Variants in MYO16 observed in about 807,000 individuals in gnomAD.
MYO16 encodes myosin XVI.
MYO16 carries 94 observed loss-of-function variants against 205.3 expected under a neutral mutation model. The ratio of observed to expected loss-of-function variants is 0.46; its 90% CI spans 0.39 to 0.54. MYO16 has a LOEUF of 0.54. MYO16 is among the 20% of genes least tolerant of loss of function. The pLI, the probability that MYO16 is intolerant of heterozygous loss-of-function variation, is 0.00. For missense variants in MYO16, 2,315 were observed against 2,387.5 expected (o/e 0.97, Z 0.63); for synonymous variants, 988 against 954.0 (o/e 1.04, Z -0.66).
chr13:109,160,015 G>A (rs73619962), intron 32 of MYO16, among the ~76,000 whole-genome samples: 8,388 of 152,318 alleles, frequency 0.055, 246 homozygotes, highest in Middle Eastern at 0.13. Context: ...CTCGGCCTCA[G>A]TACAATGGAC....
chr13:108,822,288 G>T (rs1311649053), intron 8 of MYO16, among the ~76,000 whole-genome samples: 2 of 152,102 alleles, frequency 1.3e-5, no homozygotes, highest in African/African-American at 4.8e-5. Flanking sequence ...TTTAATCTGA[G>T]GCAAATAATG....
chr13:109,174,115 G>A (rs609726), intron 33 of MYO16, among the ~76,000 whole-genome samples: 152,096 of 152,110 alleles, frequency 1, 76,041 homozygotes, highest in Middle Eastern at 1. Context: ...CTGTATTGGT[G>A]TAGGAGTCAA....
intron 14 of MYO16, among the ~76,000 whole-genome samples, chr13:108,889,452 G>A (rs542726090): frequency 7.9e-5 from 12 of 152,306 alleles, no homozygotes; most frequent in Non-Finnish European, 1.6e-4. Context: ...TTTATACATA[G>A]TTCTAGCAAG....
chr13:108,835,948 A>G (rs1876892662), intron 9 of MYO16, among the ~76,000 whole-genome samples: 2 of 152,182 alleles, frequency 1.3e-5, no homozygotes, highest in South Asian at 4.1e-4. Flanking sequence ...TTTCTTGGGG[A>G]AAAATTCAAG....
intron 2 of MYO16, among the ~76,000 whole-genome samples, chr13:108,666,526 T>C (rs1007569852): frequency 6.6e-6 from 1 of 152,166 alleles, no homozygotes; most frequent in African/African-American, 2.4e-5. Context: ...TCCCACTATG[T>C]TGACCAGGCT....
chr13:108,592,868 A>T (rs993003578), upstream of MYO16, among the ~76,000 whole-genome samples: 4 of 151,990 alleles, frequency 2.6e-5, no homozygotes, highest in Non-Finnish European at 5.9e-5. Context: ...AAAACATTGT[A>T]TGCAACTCCT....
chr13:108,663,319 T>C (rs1347132427), intron 1 of MYO16, among the ~76,000 whole-genome samples: 2 of 151,948 alleles, frequency 1.3e-5, no homozygotes, highest in Admixed American at 1.3e-4. Context: ...CTTTATTTTT[T>C]TTTTGAGATC....
intron 1 of MYO16, among the ~76,000 whole-genome samples, chr13:108,637,920 A>C (rs1213130525): frequency 2.6e-5 from 4 of 152,142 alleles, no homozygotes; most frequent in Admixed American, 2.0e-4. Context: ...ACGAACAAGC[A>C]AGCTAACATT....
At chr13:108,641,353 G>A (rs920653440) in intron 1 of MYO16, among the ~76,000 whole-genome samples, 7 of 152,140 alleles carry the variant, frequency 4.6e-5, no homozygotes, top group Admixed American at 2.0e-4. Context: ...AGAGACTTGA[G>A]TTATTGATTA....
intron 4 of MYO16, among the ~76,000 whole-genome samples, chr13:108,763,742 C>G (rs1482615877): frequency 6.6e-6 from 1 of 150,578 alleles, no homozygotes; most frequent in Non-Finnish European, 1.5e-5. Context: ...TTTGAGAAGT[C>G]TAAGAGACAG....
At chr13:108,764,161 C>T (rs1349052316) in intron 4 of MYO16, among the ~76,000 whole-genome samples, 1 of 152,100 alleles carries the variant, frequency 6.6e-6, no homozygotes, top group Non-Finnish European at 1.5e-5. Context: ...ACAGATTCAA[C>T]TTTGTGAGCT....
At chr13:108,916,621 A>AT (rs1409280778) in intron 16 of MYO16, among the ~76,000 whole-genome samples, 4 of 152,226 alleles carry the variant, frequency 2.6e-5, no homozygotes, top group Non-Finnish European at 4.4e-5. Flanking sequence ...GATCATAAAA[A>AT]TTTTAGAACT....
At chr13:109,198,803 T>C (rs1594180206) in intron 34 of MYO16, among the ~76,000 whole-genome samples, 1 of 152,088 alleles carries the variant, frequency 6.6e-6, no homozygotes, top group Non-Finnish European at 1.5e-5. Flanking sequence ...GGTAGGTAAT[T>C]TCTTGTGGTC....
At chr13:108,702,073 A>C (rs1415405031) in intron 2 of MYO16, among the ~76,000 whole-genome samples, 1 of 152,176 alleles carries the variant, frequency 6.6e-6, no homozygotes, top group Non-Finnish European at 1.5e-5. Flanking sequence ...GAGCACCACC[A>C]AGTGTACCAA....
chr13:108,868,353 C>A (rs1337687008), intron 12 of MYO16, among the ~76,000 whole-genome samples: 1 of 152,070 alleles, frequency 6.6e-6, no homozygotes, highest in African/African-American at 2.4e-5. Context: ...TCTTATTGCT[C>A]TAATTTGTGT....
chr13:109,198,493 T>C (rs925754508), intron 34 of MYO16, among the ~76,000 whole-genome samples: 3 of 152,200 alleles, frequency 2.0e-5, no homozygotes, highest in Non-Finnish European at 2.9e-5. Flanking sequence ...ATCATAGTTA[T>C]GTTTTAAATC....
the MYO16 span, among the ~76,000 whole-genome samples, chr13:108,568,256 A>T: frequency 6.6e-6 from 1 of 152,140 alleles, no homozygotes; most frequent in African/African-American, 2.4e-5. Flanking sequence ...CTCCAATTTT[A>T]ACATTTTGAG....
chr13:108,945,366 T>C (rs557993120), intron 16 of MYO16, among the ~76,000 whole-genome samples: 11 of 152,320 alleles, frequency 7.2e-5, no homozygotes, highest in Non-Finnish European at 7.4e-5. Context: ...GGACCACTTA[T>C]TTGGAGGGTT....
chr13:108,985,451 C>G (rs1248962700), intron 20 of MYO16, among the ~76,000 whole-genome samples: 1 of 152,160 alleles, frequency 6.6e-6, no homozygotes, highest in Non-Finnish European at 1.5e-5. Flanking sequence ...GAAGATACCC[C>G]CAAGAAGTGG....
Sources: gnomAD v4.1 joint callset for allele counts (sites outside exome capture counted in the v4.1 genomes callset) on GRCh38, gnomAD v4.1.1 for gene constraint, MANE v1.5 for transcripts, NCBI Gene and HGNC (gene_info 2026-07-23, HGNC 2026-07-21) for gene names.